Variants in WNT2B observed in about 807,000 individuals in gnomAD.
WNT2B encodes the protein protein Wnt-2b.
Under a neutral mutation model 40.5 loss-of-function variants are expected in WNT2B, and 19 were observed. The ratio of observed to expected loss-of-function variants is 0.47; its 90% CI spans 0.33 to 0.69. WNT2B has a LOEUF of 0.69. Among genes scored for constraint, WNT2B ranks in the 30% least tolerant of loss-of-function variants. The pLI, the probability that WNT2B is intolerant of heterozygous loss-of-function variation, is 0.02. For missense variants in WNT2B, 467 were observed against 556.4 expected (o/e 0.84, Z 1.62); for synonymous variants, 220 against 211.9 (o/e 1.04, Z -0.33).
chr1:112,475,365 A>G (rs1017075038), intron 1 of WNT2B, among the ~76,000 whole-genome samples: 4 of 152,224 alleles, frequency 2.6e-5, no homozygotes, highest in African/African-American at 9.6e-5. Context: ...ATCTGCATCT[A>G]TACAAAGGAA....
intron 1 of WNT2B, among the ~76,000 whole-genome samples, chr1:112,513,817 A>G (rs1476181470): frequency 1.3e-5 from 2 of 152,186 alleles, no homozygotes; most frequent in African/African-American, 4.8e-5. Context: ...GGAAGGTGCT[A>G]TGGGGTTAAA....
chr1:112,507,518 C>A (rs1325174378), upstream of WNT2B, among the ~76,000 whole-genome samples: 3 of 152,136 alleles, frequency 2.0e-5, no homozygotes, highest in Non-Finnish European at 2.9e-5. Context: ...GTTGGGGCTG[C>A]GGAGTGAGGG....
At chr1:112,498,229 G>T (rs1297417739) in intron 1 of WNT2B, among the ~76,000 whole-genome samples, 1 of 151,860 alleles carries the variant, frequency 6.6e-6, no homozygotes, top group African/African-American at 2.4e-5. Context: ...TCCCTGTAAA[G>T]GACATGATCT....
Position 112,521,311 on chromosome 1 carries a change from C to CTTTTTTT in WNT2B, c.*816_*822dup, listed in dbSNP as rs5777124. Reference sequence around the variant, plus strand: ...TAAGTCTGGCTAGGCCTTGTGTTGCCTTTTTTTTTTTTTTTTTTTTCTTTT... The same window carrying CTTTTTTT: ...TAAGTCTGGCTAGGCCTTGTGTTGCCTTTTTTTTTTTTTTTTTTTTTTTTTTTCTTTT... On this transcript the variant is annotated 3_prime_UTR_variant, in exon 5 of 5. Coordinates refer to ENST00000369684, the MANE Select transcript of WNT2B (RefSeq NM_024494.3). The CTTTTTTT allele has an allele frequency of 5.4e-4, 66 of 121,960 alleles. 1 individual carries two copies. The highest frequency in any genetic ancestry group is 7.7e-4 in the Non-Finnish European group (46 of 59,932). 7.6% of individuals were successfully genotyped at this position (121,960 alleles called of 1,614,324 possible).
chr1:112,520,339 G>C lies in WNT2B; in HGVS notation c.1006G>C (p.Glu336Gln). 6.2e-7 allele frequency: 1 copy of C among 1,614,192 alleles called. No individual in the cohort carries two copies. Among genetic ancestry groups the C allele is most frequent in the South Asian group, 1.1e-5 (1 of 91,074 alleles). ...SKTSKGTDGC[E>Q]IMCCGRGYDT... ...GACATCAAAAGGAACAGACGGTTGT[G>C]AAATCATGTGCTGTGGCCGAGGGTA... is the stretch of plus-strand genomic sequence containing the variant. Residue 336 changes from glutamate to glutamine, a missense_variant, in exon 5 of 5, where the codon GAA (glutamate) becomes CAA (glutamine). This residue lies in a region of WNT2B where 330 missense variants were observed against 438.6 expected (regional missense o/e 0.75). Coordinates refer to ENST00000369684, the MANE Select transcript of WNT2B (RefSeq NM_024494.3).
chr1:112,493,671 A>G (rs1405998517), intron 1 of WNT2B, among the ~76,000 whole-genome samples: 1 of 152,108 alleles, frequency 6.6e-6, no homozygotes, highest in Non-Finnish European at 1.5e-5. Context: ...AAAGACTAGA[A>G]AGAAGAAAAA....
At chr1:112,506,915 C>T (rs996727925), upstream of WNT2B, among the ~76,000 whole-genome samples, 5 of 152,232 alleles carry the variant, frequency 3.3e-5, no homozygotes, top group Admixed American at 1.3e-4. Flanking sequence ...CCCCACTTTC[C>T]ACCCAAGTGG....
intron 1 of WNT2B, among the ~76,000 whole-genome samples, chr1:112,474,980 T>C (rs1355073538): frequency 6.6e-6 from 1 of 152,136 alleles, no homozygotes; most frequent in African/African-American, 2.4e-5. Context: ...ATTGTTAAGT[T>C]TCCTGAGGCC....
chr1:112,520,653 A>G lies in WNT2B; in HGVS notation c.*144A>G, dbSNP rs1652823400. ...ATGTAGAGAGTAATCCATAGGGACC[A>G]TGGTGTCCTGGCTGGTTCCTTAGCC... On this transcript the variant is annotated 3_prime_UTR_variant, in exon 5 of 5. Transcript: ENST00000369684. 2.3e-6 allele frequency: 2 copies of G among 856,518 alleles called. No individual in the cohort carries two copies. The highest frequency in any genetic ancestry group is 3.6e-6 in the Non-Finnish European group (2 of 549,182). 53.1% of individuals were successfully genotyped at this position (856,518 alleles called of 1,614,324 possible).
Position 112,520,261 on chromosome 1 carries a change from C to T in WNT2B, c.947-19C>T. Reference sequence around the variant, plus strand: ...TGAAGAGATAACTTTGTTCTCACTCCCTCTCTTCCCCAACCCAGGTTCCCT... The same window carrying T: ...TGAAGAGATAACTTTGTTCTCACTCTCTCTCTTCCCCAACCCAGGTTCCCT... On this transcript the variant is annotated intron_variant, in intron 4 of 4. Coordinates refer to ENST00000369684, the MANE Select transcript of WNT2B (RefSeq NM_024494.3). 6.2e-7 allele frequency: 1 copy of T among 1,608,170 alleles called. No homozygotes were observed. The highest frequency in any genetic ancestry group is 8.5e-7 in the Non-Finnish European group (1 of 1,176,302).
chr1:112,501,153 C>A (rs563594177), intron 1 of WNT2B, among the ~76,000 whole-genome samples: 1 of 152,250 alleles, frequency 6.6e-6, no homozygotes, highest in East Asian at 1.9e-4. Context: ...GTAGAATGTC[C>A]CCCTGGTGGA....
intron 1 of WNT2B, among the ~76,000 whole-genome samples, chr1:112,468,562 A>AT (rs1004257145): frequency 6.6e-6 from 1 of 151,886 alleles, no homozygotes; most frequent in African/African-American, 2.4e-5. Context: ...GACATTGAGC[A>AT]TTTTTTCATG....
chr1:112,504,053 T>G (rs1652036946), upstream of WNT2B, among the ~76,000 whole-genome samples: 1 of 152,144 alleles, frequency 6.6e-6, no homozygotes, highest in Admixed American at 6.5e-5. Flanking sequence ...GGCTTAGTGC[T>G]TAGCCTGTGT....
At chr1:112,477,412 CA>C (rs1429680659) in intron 1 of WNT2B, among the ~76,000 whole-genome samples, 1 of 152,206 alleles carries the variant, frequency 6.6e-6, no homozygotes, top group Non-Finnish European at 1.5e-5. Flanking sequence ...TGAGTCCATA[CA>C]GTCTGGAAGA....
chr1:112,519,494 T>TCC (rs550993876), intron 4 of WNT2B, among the ~76,000 whole-genome samples: 626 of 152,282 alleles, frequency 4.1e-3, no homozygotes, highest in Non-Finnish European at 6.4e-3. Flanking sequence ...CAAAAGTCTA[T>TCC]TGATTTTATG....
At chr1:112,516,063 CAG>C (rs1471663857) in intron 2 of WNT2B, 75 bp from the exon 3 acceptor site, 6 of 1,525,300 alleles carry the variant, frequency 3.9e-6, no homozygotes, top group African/African-American at 1.4e-5. Flanking sequence ...GTTTCAGAGT[CAG>C]AGGTTGTATG....
rs1428041073 is a variant in WNT2B at position 112,520,771 on chromosome 1, G to A, written c.*262G>A. On this transcript the variant is annotated 3_prime_UTR_variant, in exon 5 of 5. Coordinates refer to ENST00000369684, the MANE Select transcript of WNT2B (RefSeq NM_024494.3). ...GAAGGGAGAGTAGAAGAGATAGGGG[G>A]TCTTTAGAGTGAAATGAGTTGCACT... The A allele has an allele frequency of 3.9e-6, 2 of 518,458 alleles. No individual in the cohort carries two copies. Among genetic ancestry groups the A allele is most frequent in the Admixed American group, 6.6e-5 (2 of 30,280 alleles). The allele number at this position is 518,458 out of a possible 1,614,324, so 32.1% of individuals were successfully genotyped here.
Position 112,515,272 on chromosome 1 carries a change from T to C in WNT2B, c.403+178T>C, listed in dbSNP as rs1166307010. The stretch of plus-strand genomic sequence containing the variant: ...ACAGACTCTTAGCATCTTAGATTTG[T>C]AGACAGGGGCTCCTCTAAATCTTAG... On this transcript the variant is annotated intron_variant, in intron 2 of 4. Coordinates refer to ENST00000369684, the MANE Select transcript of WNT2B (RefSeq NM_024494.3). This position sits in a 1 kb window ranked among gnomAD's most constrained non-coding sequence, Gnocchi z 4.4. 6.6e-6 allele frequency among the ~76,000 whole-genome samples: 1 copy of C among 152,214 alleles called. No homozygotes were observed. Among genetic ancestry groups the C allele is most frequent in the Non-Finnish European group, 1.5e-5 (1 of 68,042 alleles).
rs59297238 is a variant in WNT2B, at chr1:112,487,933, CAAAAAAAA to C, written c.-95+20361_-95+20368del. ...TGGGTGACACAGAGAGGCTCTGACT[CAAAAAAAA>C]AAAAAAAAAAAAAAAAAATCTAAGC... On this transcript the variant is annotated intron_variant, in intron 1 of 4. Coordinates refer to the WNT2B transcript ENST00000256640. Among the ~76,000 whole-genome samples, 68 of 68,210 alleles carry C rather than the reference CAAAAAAAA, an allele frequency of 1.0e-3. 1 individual carries two copies. Among genetic ancestry groups the C allele is most frequent in the Non-Finnish European group, 1.5e-3 (59 of 39,012 alleles). The allele number at this position is 68,210 out of a possible 152,430, so 44.7% of individuals were successfully genotyped here. A position where few individuals can be genotyped will look rare whatever the true frequency, so the allele number is the denominator to read the frequency against.
Sources: allele counts gnomAD v4.1 joint callset (sites outside exome capture counted in the v4.1 genomes callset), GRCh38; gene constraint gnomAD v4.1.1; regional missense constraint gnomAD v4.1.1; non-coding constraint Gnocchi (gnomAD v3.1); transcripts MANE v1.5; gene names NCBI Gene and HGNC (gene_info 2026-07-23, HGNC 2026-07-21).